Variants in GOLGB1 observed in about 807,000 individuals in gnomAD.
The protein encoded by GOLGB1 is golgin subfamily B member 1.
A neutral mutation model predicts 336.9 loss-of-function variants in GOLGB1; 174 were observed. The ratio of observed to expected loss-of-function variants is 0.52; its 90% CI spans 0.46 to 0.59. The LOEUF is 0.59. Ranked by LOEUF, GOLGB1 falls within the 20% of genes least tolerant of loss-of-function variation. The pLI is 0.00. For synonymous variants in GOLGB1, 1,208 were observed against 1,289.2 expected (o/e 0.94, Z 1.35); for missense variants, 3,331 against 3,645.3 (o/e 0.91, Z 2.22).
intron 14 of GOLGB1, among the ~76,000 whole-genome samples, chr3:121,689,849 G>A (rs1006988832): frequency 6.6e-6 from 1 of 152,230 alleles, no homozygotes; most frequent in African/African-American, 2.4e-5. Flanking sequence ...CAAGCCAAGA[G>A]TGGTGGCTCA....
In GOLGB1 at chr3:121,716,758, G is replaced by C. The variant is rs1225879928; in HGVS notation, c.1267C>G (p.Gln423Glu). 1 of 1,613,256 alleles carries C rather than the reference G, an allele frequency of 6.2e-7. No homozygotes were observed. Among genetic ancestry groups the C allele is most frequent in the East Asian group, 2.2e-5 (1 of 44,874 alleles). ...TGACCTTCCAGTTGCTGAATGGTCT[G>C]GGCTGACTGAACTGCTTGCTCATTC... ...DKNEQAVQSAQTIQQLEDQLQ... is the reference protein window; with the variant it reads ...DKNEQAVQSAETIQQLEDQLQ... The change falls in exon 9 of 22, where the codon CAG becomes GAG. Residue 423 changes from glutamine (Q) to glutamate (E), a missense_variant. By Grantham distance (29) the Gln-to-Glu change is conservative (BLOSUM62 2). Coordinates refer to ENST00000614479, the MANE Select transcript of GOLGB1 (RefSeq NM_001366282.2).
intron 1 of GOLGB1, among the ~76,000 whole-genome samples, chr3:121,745,311 C>T (rs1560346468): frequency 6.8e-6 from 1 of 146,568 alleles, no homozygotes; most frequent in Admixed American, 6.8e-5. Flanking sequence ...TGTATATATA[C>T]ATATGTACAC....
chr3:121,712,976 A>G (rs1944467710), intron 10 of GOLGB1, among the ~76,000 whole-genome samples: 1 of 152,168 alleles, frequency 6.6e-6, no homozygotes, highest in African/African-American at 2.4e-5. Flanking sequence ...AGCCTGGCCA[A>G]CATGGTGAAA....
Position 121,669,229 on chromosome 3 carries a change from C to G in GOLGB1, c.9304G>C (p.Val3102Leu), listed in dbSNP as rs745564697. 6.2e-7 allele frequency: 1 copy of G among 1,613,894 alleles called. No homozygotes were observed. The change falls in exon 18 of 22, where the codon GTT becomes CTT. Residue 3102 changes from valine to leucine, a missense_variant. Physicochemically the swap from Val to Leu is conservative, Grantham distance 32 (BLOSUM62 1). Coordinates refer to ENST00000614479, the MANE Select transcript of GOLGB1 (RefSeq NM_001366282.2). ...TTACTCACCGCCTGCAGCTCTTGAA[C>G]CTGCTTCTCCAAGACTGCACAGTGA... ...LNHCAVLEKQ[V>L]QELQAGPLNI... is the part of the protein sequence containing the mutation.
intron 18 of GOLGB1, 145 bp downstream of exon 18, chr3:121,669,067 C>T: frequency 2.7e-6 from 2 of 736,988 alleles, no homozygotes; most frequent in Non-Finnish European, 2.2e-6. Flanking sequence ...GACCTTATTC[C>T]CATCTCAATT....
intron 1 of GOLGB1, among the ~76,000 whole-genome samples, chr3:121,732,671 G>C (rs1946196614): frequency 6.6e-6 from 1 of 152,172 alleles, no homozygotes. Context: ...ATCTATTCAT[G>C]ATTATGAATT....
At chr3:121,700,318 G>T (rs1344195673) in intron 11 of GOLGB1, among the ~76,000 whole-genome samples, 1 of 151,970 alleles carries the variant, frequency 6.6e-6, no homozygotes, top group Admixed American at 6.6e-5. Flanking sequence ...CTAAAAGGGA[G>T]CTATCCTATC....
At chr3:121,673,680 G>A (rs1939890771) in intron 17 of GOLGB1, among the ~76,000 whole-genome samples, 1 of 145,520 alleles carries the variant, frequency 6.9e-6, no homozygotes, top group Non-Finnish European at 1.5e-5. Flanking sequence ...TATTATAAAT[G>A]GGATTGCTAT....
Position 121,726,837 on chromosome 3 carries a change from T to C in GOLGB1, c.531+76A>G, listed in dbSNP as rs891417247. 9.2e-6 allele frequency: 10 copies of C among 1,092,054 alleles called. No homozygotes were observed. The African/African-American group carries it at 1.6e-4, about 18-fold the overall frequency. 67.6% of individuals were successfully genotyped at this position (1,092,054 alleles called of 1,614,324 possible). ...AATGCCCATTGTGCATCTAGAAAAA[T>C]GTATTTGTCACATAATAATCCATTG... On this transcript the variant is annotated intron_variant, in intron 5 of 21. Transcript: ENST00000614479.
At chr3:121,710,096 C>T (rs1336916542) in intron 10 of GOLGB1, among the ~76,000 whole-genome samples, 2 of 143,552 alleles carry the variant, frequency 1.4e-5, no homozygotes, top group African/African-American at 5.2e-5. Flanking sequence ...AAAACTGGCA[C>T]CGGGTGGAAA....
intron 1 of GOLGB1, among the ~76,000 whole-genome samples, chr3:121,744,830 C>T (rs1477675028): frequency 6.6e-6 from 1 of 152,110 alleles, no homozygotes; most frequent in African/African-American, 2.4e-5. Context: ...ATTGATTCAA[C>T]AGTCTCAGAG....
intron 17 of GOLGB1, among the ~76,000 whole-genome samples, chr3:121,672,374 T>C (rs1939664573): frequency 6.6e-6 from 1 of 152,212 alleles, no homozygotes; most frequent in Non-Finnish European, 1.5e-5. Flanking sequence ...AATTCTCTGA[T>C]GTTTAGGGAT....
chr3:121,709,364 G>C (rs1215071095), intron 10 of GOLGB1, among the ~76,000 whole-genome samples: 2 of 152,092 alleles, frequency 1.3e-5, no homozygotes, highest in African/African-American at 4.8e-5. Context: ...AATAACTACA[G>C]AATACACACT....
At position 121,668,137 on chromosome 3, in the gene GOLGB1, C is replaced by T; in HGVS notation, c.9343G>A (p.Ala3115Thr). The T allele has an allele frequency of 6.3e-7, 1 of 1,598,998 alleles. No individual in the cohort carries two copies. Among genetic ancestry groups the T allele is most frequent in the Non-Finnish European group, 8.6e-7 (1 of 1,169,094 alleles). The change falls in exon 19 of 22, where the codon GCT (alanine) becomes ACT (threonine). Residue 3115 changes from alanine (A) to threonine (T), a missense_variant. Ala to Thr is a moderately conservative substitution (Grantham distance 58). Coordinates refer to ENST00000614479, the MANE Select transcript of GOLGB1 (RefSeq NM_001366282.2). The part of the protein sequence containing the change: ...LQAGPLNIDV[A>T]PGAPQEKNGV... ...TTCTTTTCCTGGGGAGCTCCTGGAG[C>T]AACATCTATATTTAGTGGCCCCTGG...
Position 121,696,749 on chromosome 3 carries a change from C to T in GOLGB1, c.3774G>A (p.Gln1258=). The part of the protein sequence containing the change: ...SIDGKLPSTD[Q]QESCSSTPGL... ...CTGGAGTGGAAGAACACGATTCCTGCTGGTCTGTGCTTGGGAGTTTTCCGT... is the reference window on the plus strand; with the variant it reads ...CTGGAGTGGAAGAACACGATTCCTGTTGGTCTGTGCTTGGGAGTTTTCCGT... The change falls in exon 13 of 22, where the codon CAG becomes CAA. Residue 1258 remains glutamine, a synonymous_variant. Transcript: ENST00000614479. 2 of 1,614,092 alleles carry T rather than the reference C, an allele frequency of 1.2e-6. No homozygotes were observed. Among genetic ancestry groups the T allele is most frequent in the Non-Finnish European group, 1.7e-6 (2 of 1,179,962 alleles).
At chr3:121,702,131 C>T (rs1943466863) in intron 11 of GOLGB1, among the ~76,000 whole-genome samples, 1 of 152,124 alleles carries the variant, frequency 6.6e-6, no homozygotes, top group Admixed American at 6.6e-5. Context: ...AAATTTATTA[C>T]CAGAATGTCC....
chr3:121,667,999 G>C, intron 19 of GOLGB1, 62 bp downstream of exon 19: 12 of 818,034 alleles, frequency 1.5e-5, no homozygotes, highest in Non-Finnish European at 2.0e-5. Flanking sequence ...GTTAAATCTA[G>C]ATTACTGCCC....
intron 12 of GOLGB1, among the ~76,000 whole-genome samples, chr3:121,699,169 T>C (rs6807711): frequency 0.69 from 105,604 of 151,972 alleles, 37,503 homozygotes; most frequent in East Asian, 0.86. Flanking sequence ...CTAAGGAAAT[T>C]GGGAATTCAT....
chr3:121,731,351 A>G (rs1946099488), intron 1 of GOLGB1, among the ~76,000 whole-genome samples: 1 of 151,684 alleles, frequency 6.6e-6, no homozygotes, highest in Non-Finnish European at 1.5e-5. Context: ...ACAAACATGA[A>G]TTTCTTTTTT....
Sources: allele counts gnomAD v4.1 joint callset (sites outside exome capture counted in the v4.1 genomes callset), GRCh38; gene constraint gnomAD v4.1.1; transcripts MANE v1.5; gene names NCBI Gene and HGNC (gene_info 2026-07-23, HGNC 2026-07-21).